The following UNC13C variants were observed in gnomAD, a reference collection of about 807,000 sequenced individuals.
UNC13C encodes the protein unc-13 homolog C.
In UNC13C, 174 loss-of-function variants were observed where a neutral mutation model predicts 245.4. The observed-to-expected ratio is 0.71, with a 90% CI of 0.63 to 0.80. The LOEUF is 0.80. UNC13C is among the 30% of genes least tolerant of loss of function. The pLI is 0.00. For missense variants in UNC13C, 2,829 were observed against 2,602.9 expected (o/e 1.09, Z -1.89); for synonymous variants, 992 against 895.1 (o/e 1.11, Z -1.93).
chr15:54,142,422 C>T (rs76680304), intron 2 of UNC13C, among the ~76,000 whole-genome samples: 1,892 of 152,276 alleles, frequency 0.012, 24 homozygotes, highest in Non-Finnish European at 0.018. Context: ...TTAATCAAGT[C>T]ACTTAACCTC....
At chr15:54,412,345 T>C (rs2040433208) in intron 18 of UNC13C, among the ~76,000 whole-genome samples, 1 of 152,140 alleles carries the variant, frequency 6.6e-6, no homozygotes, top group South Asian at 2.1e-4. Flanking sequence ...AGCAGCTTCT[T>C]CACAAGGCAG....
At chr15:54,084,212 A>G (rs550197176) in intron 2 of UNC13C, among the ~76,000 whole-genome samples, 1 of 152,276 alleles carries the variant, frequency 6.6e-6, no homozygotes, top group South Asian at 2.1e-4. Flanking sequence ...CCGTCCATTC[A>G]CAGTAACTGT....
intron 2 of UNC13C, among the ~76,000 whole-genome samples, chr15:54,104,390 A>T (rs1011263640): frequency 6.6e-6 from 1 of 152,112 alleles, no homozygotes. Flanking sequence ...AAAAAAATAT[A>T]TTCTTAGATT....
chr15:53,943,198 T>C, the UNC13C span, among the ~76,000 whole-genome samples: 1 of 152,210 alleles, frequency 6.6e-6, no homozygotes. Flanking sequence ...TCCTCACTGA[T>C]TGGCAGTGCT....
Position 54,519,415 on chromosome 15 carries a change from G to A in UNC13C, c.5458-6134G>A, listed in dbSNP as rs151107390. 4.6e-3 allele frequency among the ~76,000 whole-genome samples: 702 copies of A among 151,928 alleles called. 1 individual carries two copies. The highest frequency in any genetic ancestry group is 7.7e-3 in the Non-Finnish European group (525 of 67,948). ...GGCAATCTTTTTTTTTCCTTCAGTT[G>A]TCTAGACTGAAGAACCTCATTTAAC... On this transcript the variant is annotated intron_variant, in intron 24 of 32. Coordinates refer to ENST00000260323, the MANE Select transcript of UNC13C (RefSeq NM_001080534.3).
intron 30 of UNC13C, among the ~76,000 whole-genome samples, chr15:54,607,772 T>G (rs1423385177): frequency 6.6e-6 from 1 of 151,974 alleles, no homozygotes; most frequent in African/African-American, 2.4e-5. Context: ...CTACACACTT[T>G]TAAACAAGCA....
chr15:54,281,819 A>G (rs991823306), intron 10 of UNC13C, among the ~76,000 whole-genome samples: 3 of 152,238 alleles, frequency 2.0e-5, no homozygotes, highest in African/African-American at 7.2e-5. Context: ...TAAGTAGTAC[A>G]ATAGTCAACA....
At chr15:54,060,851 A>C (rs1234772914) in intron 2 of UNC13C, among the ~76,000 whole-genome samples, 1 of 152,162 alleles carries the variant, frequency 6.6e-6, no homozygotes, top group East Asian at 1.9e-4. Flanking sequence ...CATCATTCTC[A>C]GCAAACTATC....
rs67762910 is a variant in UNC13C at position 54,167,500 on chromosome 15, C to CAA, written c.3071+23834_3071+23835dup. Among the ~76,000 whole-genome samples the CAA allele has an allele frequency of 2.6e-3, 240 of 90,618 alleles. 5 individuals are homozygous for CAA. Among genetic ancestry groups the CAA allele is most frequent in the Non-Finnish European group, 3.7e-3 (171 of 45,924 alleles). 59.4% of individuals were successfully genotyped at this position (90,618 alleles called of 152,430 possible). ...CTGGGTGACAGAGCGACACTCGTCTCAAAAAAAAAAAAAAAAAAAGAAAAG... is the reference window on the plus strand; with the variant it reads ...CTGGGTGACAGAGCGACACTCGTCTCAAAAAAAAAAAAAAAAAAAAAGAAAAG... On this transcript the variant is annotated intron_variant, in intron 4 of 32. Coordinates refer to ENST00000260323, the MANE Select transcript of UNC13C (RefSeq NM_001080534.3).
At chr15:54,552,549 T>TA (rs1358683898) in intron 28 of UNC13C, among the ~76,000 whole-genome samples, 60 of 81,340 alleles carry the variant, frequency 7.4e-4, no homozygotes, top group Admixed American at 3.5e-3. Context: ...ATATATTATA[T>TA]TGTATATAAT....
the UNC13C span, among the ~76,000 whole-genome samples, chr15:53,848,641 T>C: frequency 6.6e-6 from 1 of 152,168 alleles, no homozygotes; most frequent in Non-Finnish European, 1.5e-5. Flanking sequence ...GCCAAGTTGA[T>C]TCTTGGCGTT....
chr15:54,307,759 G>C (rs1341570570), intron 13 of UNC13C, among the ~76,000 whole-genome samples: 1 of 151,796 alleles, frequency 6.6e-6, no homozygotes, highest in Non-Finnish European at 1.5e-5. Flanking sequence ...ACACACCATT[G>C]CTCTTGTACT....
At chr15:54,553,332 A>G (rs1350063640) in intron 28 of UNC13C, among the ~76,000 whole-genome samples, 11 of 119,420 alleles carry the variant, frequency 9.2e-5, no homozygotes, top group Non-Finnish European at 1.8e-4. Context: ...TATATAATAT[A>G]TAATTGAATA....
intron 30 of UNC13C, among the ~76,000 whole-genome samples, chr15:54,616,518 T>G (rs1445740694): frequency 6.6e-6 from 1 of 152,038 alleles, no homozygotes. Context: ...TTGAGGATTC[T>G]GACCCTGTGT....
At chr15:54,545,702 A>T (rs1343845259) in intron 26 of UNC13C, among the ~76,000 whole-genome samples, 1 of 152,236 alleles carries the variant, frequency 6.6e-6, no homozygotes, top group Non-Finnish European at 1.5e-5. Flanking sequence ...CAAACATGAA[A>T]AAAAGCTCAT....
At chr15:54,020,225 G>A (rs1399181565) in intron 2 of UNC13C, among the ~76,000 whole-genome samples, 1 of 150,916 alleles carries the variant, frequency 6.6e-6, no homozygotes, top group African/African-American at 2.4e-5. Context: ...TTTTAAACTT[G>A]AAAGAGATAA....
At chr15:54,291,820 G>A (rs548798048) in intron 10 of UNC13C, among the ~76,000 whole-genome samples, 59 of 151,976 alleles carry the variant, frequency 3.9e-4, no homozygotes, top group East Asian at 3.9e-3. Context: ...ACAAAGTAAC[G>A]CATGACTTAA....
chr15:54,611,614 A>G (rs1020501574), intron 30 of UNC13C: 1 of 152,172 alleles, frequency 6.6e-6, no homozygotes, highest in Non-Finnish European at 1.5e-5. Context: ...GGAAAAGTAT[A>G]TGCATATACT....
chr15:54,044,167 A>G (rs1896932215), intron 2 of UNC13C, among the ~76,000 whole-genome samples: 1 of 152,166 alleles, frequency 6.6e-6, no homozygotes, highest in Non-Finnish European at 1.5e-5. Context: ...TAAATGGAAT[A>G]ATGTAAGATG....
Sources: allele counts gnomAD v4.1 joint callset (sites outside exome capture counted in the v4.1 genomes callset), GRCh38; gene constraint gnomAD v4.1.1; transcripts MANE v1.5; gene names NCBI Gene and HGNC (gene_info 2026-07-23, HGNC 2026-07-21).